FRMD4B: variants seen among roughly 807,000 people sequenced by gnomAD.
FRMD4B encodes FERM domain-containing protein 4B.
In FRMD4B, 74 loss-of-function variants were observed where a neutral mutation model predicts 141.5. That is an observed-to-expected ratio of 0.52 (90% CI 0.43 to 0.63). The LOEUF is 0.63. Ranked by LOEUF, FRMD4B falls within the 30% of genes least tolerant of loss-of-function variation. FRMD4B has a pLI of 0.00. For missense variants in FRMD4B, 1,366 were observed against 1,253.4 expected (o/e 1.09, Z -1.36); for synonymous variants, 506 against 467.9 (o/e 1.08, Z -1.05).
intron 1 of FRMD4B, among the ~76,000 whole-genome samples, chr3:69,331,599 T>G (rs1702371222): frequency 1.3e-5 from 2 of 152,208 alleles, no homozygotes. Context: ...TATACTACTG[T>G]GTGACCTTGT....
chr3:69,397,203 C>T (rs892555176), intron 2 of FRMD4B, among the ~76,000 whole-genome samples: 22 of 152,086 alleles, frequency 1.4e-4, no homozygotes, highest in African/African-American at 4.6e-4. Context: ...AATACTGGTA[C>T]GTACTACAAC....
At chr3:69,241,825 C>T (rs149872091) in intron 7 of FRMD4B, among the ~76,000 whole-genome samples, 226 of 152,126 alleles carry the variant, frequency 1.5e-3, no homozygotes, top group Non-Finnish European at 2.6e-3. Context: ...GCTGCGATTG[C>T]ACCACTGCAC....
chr3:69,309,862 G>A (rs959425896), intron 3 of FRMD4B, among the ~76,000 whole-genome samples: 3 of 152,070 alleles, frequency 2.0e-5, no homozygotes, highest in Non-Finnish European at 4.4e-5. Flanking sequence ...ATATAACCTA[G>A]CCATTGTATA....
chr3:69,200,233 A>AC (rs745862238), intron 11 of FRMD4B: 60 of 165,852 alleles, frequency 3.6e-4, no homozygotes, highest in Non-Finnish European at 6.2e-4. Context: ...TTCAGACTGG[A>AC]CCCCCCAATT....
At chr3:69,474,938 A>G (rs1387319615) in intron 1 of FRMD4B, among the ~76,000 whole-genome samples, 1 of 152,206 alleles carries the variant, frequency 6.6e-6, no homozygotes, top group Non-Finnish European at 1.5e-5. Context: ...GGAATTCTAA[A>G]GGCTTTGGGA....
At chr3:69,339,854 C>A (rs994708663) in intron 1 of FRMD4B, among the ~76,000 whole-genome samples, 7 of 152,086 alleles carry the variant, frequency 4.6e-5, no homozygotes, top group African/African-American at 1.7e-4. Context: ...ATGCAAAGTC[C>A]CCTGAGAGGG....
intron 1 of FRMD4B, among the ~76,000 whole-genome samples, chr3:69,379,914 C>T (rs1384969590): frequency 1.3e-5 from 2 of 152,200 alleles, no homozygotes; most frequent in South Asian, 4.1e-4. Flanking sequence ...CGACTTTGCC[C>T]GCAAGCCATA....
At chr3:69,325,742 T>C (rs1345837895) in intron 1 of FRMD4B, among the ~76,000 whole-genome samples, 1 of 152,150 alleles carries the variant, frequency 6.6e-6, no homozygotes, top group Admixed American at 6.5e-5. Context: ...CAGATGATAA[T>C]TGTATCATCA....
intron 1 of FRMD4B, among the ~76,000 whole-genome samples, chr3:69,378,847 A>G (rs184807309): frequency 2.0e-4 from 30 of 152,062 alleles, no homozygotes; most frequent in African/African-American, 7.0e-4. Context: ...ATCCCCAACA[A>G]AAGTCATGTT....
intron 2 of FRMD4B, 63 bp downstream of exon 2, chr3:69,313,389 C>G (rs1295532897): frequency 1.9e-6 from 2 of 1,054,066 alleles, no homozygotes; most frequent in South Asian, 1.3e-5. Context: ...GAGCTGTCCC[C>G]GTGAGGGTAA....
At chr3:69,473,522 T>C (rs1705930481) in intron 1 of FRMD4B, among the ~76,000 whole-genome samples, 1 of 152,202 alleles carries the variant, frequency 6.6e-6, no homozygotes, top group African/African-American at 2.4e-5. Flanking sequence ...CATATGGTTT[T>C]CATATAGCCA....
chr3:69,288,560 C>A (rs560568953), intron 4 of FRMD4B, among the ~76,000 whole-genome samples: 1 of 152,194 alleles, frequency 6.6e-6, no homozygotes, highest in Non-Finnish European at 1.5e-5. Context: ...TGACAGCTCC[C>A]GGGTGGGGAG....
At chr3:69,443,588 G>C (rs1285909219) in intron 1 of FRMD4B, among the ~76,000 whole-genome samples, 1 of 152,166 alleles carries the variant, frequency 6.6e-6, no homozygotes, top group South Asian at 2.1e-4. Context: ...TTATGGGACT[G>C]AGCCCTTAAC....
intron 1 of FRMD4B, among the ~76,000 whole-genome samples, chr3:69,372,045 A>T (rs1053255184): frequency 6.6e-6 from 1 of 152,054 alleles, no homozygotes; most frequent in Non-Finnish European, 1.5e-5. Context: ...TTCTTGCAAC[A>T]CTTTGGCCAC....
chr3:69,535,300 G>C (rs925381740), intron 1 of FRMD4B, among the ~76,000 whole-genome samples: 1 of 152,120 alleles, frequency 6.6e-6, no homozygotes, highest in African/African-American at 2.4e-5. Context: ...TGTGATTTTG[G>C]CCAAGTGGCA....
chr3:69,480,657 G>A (rs1039950778), intron 1 of FRMD4B, among the ~76,000 whole-genome samples: 6 of 152,266 alleles, frequency 3.9e-5, no homozygotes, highest in Middle Eastern at 3.4e-3. Flanking sequence ...AGGGGTCAGG[G>A]GTCAGGGACC....
At chr3:69,408,094 G>A (rs368750208) in intron 2 of FRMD4B, among the ~76,000 whole-genome samples, 2 of 152,260 alleles carry the variant, frequency 1.3e-5, no homozygotes, top group East Asian at 3.9e-4. Flanking sequence ...ACAGCTGCGT[G>A]CCAATAAAAC....
intron 17 of FRMD4B, among the ~76,000 whole-genome samples, 152 bp from the exon 18 acceptor site, chr3:69,190,104 G>A (rs965796639): frequency 1.3e-5 from 2 of 152,070 alleles, no homozygotes; most frequent in Non-Finnish European, 2.9e-5. Flanking sequence ...TAGTAAGAAT[G>A]GACTCATATA....
Position 69,265,272 on chromosome 3 carries a change from ATATATAT to A in FRMD4B, c.502-15180_502-15174del, listed in dbSNP as rs2093554980. 2.2e-3 allele frequency among the ~76,000 whole-genome samples: 35 copies of A among 16,188 alleles called. 1 individual carries two copies. The highest frequency in any genetic ancestry group is 3.1e-3 in the African/African-American group (12 of 3,840). 10.6% of individuals were successfully genotyped at this position (16,188 alleles called of 152,430 possible). ...TCCATCTCAAAAAAAAAAAAAAAAT[ATATATAT>A]ATATATATATATATATATATATATA... On this transcript the variant is annotated intron_variant, in intron 5 of 22. Transcript: ENST00000398540.
Sources: gnomAD v4.1 joint callset for allele counts (sites outside exome capture counted in the v4.1 genomes callset) on GRCh38, gnomAD v4.1.1 for gene constraint, MANE v1.5 for transcripts, NCBI Gene and HGNC (gene_info 2026-07-23, HGNC 2026-07-21) for gene names.